CHSY3: variants seen among roughly 807,000 people sequenced by gnomAD.
The protein encoded by CHSY3 is chondroitin sulfate synthase 3.
CHSY3 carries 35 observed loss-of-function variants against 67.2 expected under a neutral mutation model. The observed-to-expected ratio is 0.52, with a 90% CI of 0.40 to 0.69. CHSY3 has a LOEUF of 0.69. Among genes scored for constraint, CHSY3 ranks in the 30% least tolerant of loss-of-function variants. The pLI, the probability that CHSY3 is intolerant of heterozygous loss-of-function variation, is 0.00. For missense variants in CHSY3, 1,069 were observed against 1,138.5 expected, an observed-to-expected ratio of 0.94 and a Z score of 0.88; for synonymous variants, 474 against 434.7, an observed-to-expected ratio of 1.09 and a Z score of -1.12.
At chr5:129,928,973 C>T (rs1160325113) in intron 2 of CHSY3, among the ~76,000 whole-genome samples, 1 of 152,070 alleles carries the variant, frequency 6.6e-6, no homozygotes, top group African/African-American at 2.4e-5. Context: ...TGAGCTCTGG[C>T]TTATTTTATC....
At chr5:129,997,742 G>A (rs1763587641) in intron 2 of CHSY3, among the ~76,000 whole-genome samples, 1 of 152,064 alleles carries the variant, frequency 6.6e-6, no homozygotes. Context: ...CCATCTATGA[G>A]TGAGAACATG....
chr5:129,982,311 C>A (rs1458432369), intron 2 of CHSY3, among the ~76,000 whole-genome samples: 1 of 151,802 alleles, frequency 6.6e-6, no homozygotes, highest in Non-Finnish European at 1.5e-5. Flanking sequence ...AAAAAACAAC[C>A]CATCAATGAA....
At chr5:130,163,997 C>G (rs1293888408) in intron 2 of CHSY3, among the ~76,000 whole-genome samples, 1 of 152,098 alleles carries the variant, frequency 6.6e-6, no homozygotes, top group Non-Finnish European at 1.5e-5. Context: ...AGCGATTTTT[C>G]CCATTTGACA....
At chr5:130,124,580 C>T (rs1417429437) in intron 2 of CHSY3, among the ~76,000 whole-genome samples, 3 of 152,018 alleles carry the variant, frequency 2.0e-5, no homozygotes, top group Non-Finnish European at 4.4e-5. Flanking sequence ...TTCAGCATCC[C>T]GAGTAGCTGA....
At chr5:129,947,205 A>G (rs1387274279) in intron 2 of CHSY3, among the ~76,000 whole-genome samples, 1 of 152,166 alleles carries the variant, frequency 6.6e-6, no homozygotes, top group Non-Finnish European at 1.5e-5. Flanking sequence ...GCCCATTATA[A>G]AGCCATCAGA....
intron 2 of CHSY3, among the ~76,000 whole-genome samples, chr5:129,978,378 C>T (rs1762873730): frequency 6.6e-6 from 1 of 152,068 alleles, no homozygotes; most frequent in African/African-American, 2.4e-5. Context: ...TTTTTAATAG[C>T]TTCATTCATA....
intron 2 of CHSY3, among the ~76,000 whole-genome samples, chr5:129,935,079 A>G (rs1761443845): frequency 6.6e-6 from 1 of 152,226 alleles, no homozygotes; most frequent in South Asian, 2.1e-4. Context: ...TTCCTTAGTT[A>G]CATCATGTTT....
intron 2 of CHSY3, among the ~76,000 whole-genome samples, chr5:129,990,767 A>G (rs1763338674): frequency 6.6e-6 from 1 of 152,154 alleles, no homozygotes; most frequent in African/African-American, 2.4e-5. Context: ...TCCCTAGGTT[A>G]GAATCTGAGA....
chr5:129,918,695 G>C (rs562356254), intron 2 of CHSY3, among the ~76,000 whole-genome samples: 7 of 152,196 alleles, frequency 4.6e-5, no homozygotes, highest in African/African-American at 1.4e-4. Context: ...TCCAGCATAT[G>C]TACAGGTGGG....
rs147217262 is a variant in CHSY3 at position 129,976,141 on chromosome 5, C to T, written c.1086+67781C>T. Reference sequence around the variant, plus strand: ...AATAGTTGGTTGAAAATGTCTATATCCTTAGATCCCCACAGACCCTACAGA... The same window carrying T: ...AATAGTTGGTTGAAAATGTCTATATTCTTAGATCCCCACAGACCCTACAGA... On this transcript the variant is annotated intron_variant, in intron 2 of 2. Transcript: ENST00000305031. 7.9e-3 allele frequency among the ~76,000 whole-genome samples: 1,207 copies of T among 152,190 alleles called. 12 individuals carry two copies. The highest frequency in any genetic ancestry group is 0.014 in the Middle Eastern group (4 of 294).
chr5:130,071,458 A>G (rs1168647818), intron 2 of CHSY3, among the ~76,000 whole-genome samples: 6 of 151,956 alleles, frequency 3.9e-5, no homozygotes, highest in African/African-American at 1.4e-4. Context: ...TATCTGTGGG[A>G]GAAAACAAAA....
At chr5:129,986,774 C>T (rs910348655) in intron 2 of CHSY3, among the ~76,000 whole-genome samples, 1 of 152,112 alleles carries the variant, frequency 6.6e-6, no homozygotes, top group African/African-American at 2.4e-5. Context: ...CCCCAAGTAG[C>T]TGGGATTACA....
In CHSY3 at chr5:129,908,340, CAG is replaced by C; in HGVS notation, c.1067_1068del (p.Gln356LeufsTer13). ...GRCVRRFGGT[Q>X]CVWSYEMQQL... is the part of the protein sequence containing the mutation. Reference sequence around the variant, plus strand: ...ATGCGTTCGCCGTTTTGGTGGGACTCAGTGTGTCTGGTCTTACGAGGTAAGCA... The same window carrying C: ...ATGCGTTCGCCGTTTTGGTGGGACTCTGTGTCTGGTCTTACGAGGTAAGCA... On this transcript the variant is annotated frameshift_variant, in exon 2 of 3. Coordinates refer to ENST00000305031, the MANE Select transcript of CHSY3 (RefSeq NM_175856.5). LOFTEE classifies it low-confidence loss of function (END_TRUNC). 6.2e-7 allele frequency: 1 copy of C among 1,613,922 alleles called. No individual in the cohort carries two copies. The highest frequency in any genetic ancestry group is 8.5e-7 in the Non-Finnish European group (1 of 1,179,846).
At chr5:130,124,006 C>T (rs962401907) in intron 2 of CHSY3, among the ~76,000 whole-genome samples, 1 of 128,564 alleles carries the variant, frequency 7.8e-6, no homozygotes, top group Non-Finnish European at 1.5e-5. Flanking sequence ...CGCCACTGCA[C>T]TCCAGCCTGG....
chr5:130,036,079 A>T (rs1331307548), intron 2 of CHSY3, among the ~76,000 whole-genome samples: 1 of 152,026 alleles, frequency 6.6e-6, no homozygotes, highest in African/African-American at 2.4e-5. Flanking sequence ...TCTCAAAAAA[A>T]TATGGGAAGA....
At chr5:129,939,791 A>G (rs1362420933) in intron 2 of CHSY3, among the ~76,000 whole-genome samples, 5 of 152,220 alleles carry the variant, frequency 3.3e-5, no homozygotes, top group Non-Finnish European at 7.4e-5. Flanking sequence ...ATCAATTAAC[A>G]TAGGAAATCT....
Position 129,982,711 on chromosome 5 carries a change from TAAAG to T in CHSY3, c.1086+74356_1086+74359del, listed in dbSNP as rs542781992. On this transcript the variant is annotated intron_variant, in intron 2 of 2. Transcript: ENST00000305031. ...GCTTTAAAATTTATGTTAATTTAAT[TAAAG>T]AAAGTATCAAAAGCAGCACTCATAG... Among the ~76,000 whole-genome samples, 536 of 152,214 alleles carry T rather than the reference TAAAG, an allele frequency of 3.5e-3. 1 individual carries two copies. The highest frequency in any genetic ancestry group is 6.2e-3 in the Non-Finnish European group (421 of 67,920).
intron 2 of CHSY3, among the ~76,000 whole-genome samples, chr5:130,128,141 A>G (rs777596756): frequency 2.6e-5 from 4 of 152,100 alleles, no homozygotes; most frequent in Non-Finnish European, 1.5e-5. Flanking sequence ...ATAGAGAAAA[A>G]CAAATATATC....
intron 2 of CHSY3, among the ~76,000 whole-genome samples, chr5:130,145,049 A>T (rs1254401140): frequency 6.6e-6 from 1 of 152,142 alleles, no homozygotes. Flanking sequence ...ACCAGATCTT[A>T]TGAGAACCCA....
Sources: allele counts gnomAD v4.1 joint callset (sites outside exome capture counted in the v4.1 genomes callset), GRCh38; gene constraint gnomAD v4.1.1; transcripts MANE v1.5; gene names NCBI Gene and HGNC (gene_info 2026-07-23, HGNC 2026-07-21).